The following DLGAP1 variants were observed in gnomAD, a reference collection of about 807,000 sequenced individuals.
DLGAP1 encodes disks large-associated protein 1.
Under a neutral mutation model 90.8 loss-of-function variants are expected in DLGAP1, and 11 were observed. The ratio of observed to expected loss-of-function variants is 0.12; its 90% CI spans 0.08 to 0.20. The LOEUF (loss-of-function observed/expected upper bound fraction) is 0.20. Among genes scored for constraint, DLGAP1 ranks in the 10% least tolerant of loss-of-function variants. DLGAP1 has a pLI of 1.00. For synonymous variants in DLGAP1, 558 were observed against 540.7 expected (o/e 1.03, Z -0.44); for missense variants, 1,050 against 1,333.8 (o/e 0.79, Z 3.31).
intron 2 of DLGAP1, among the ~76,000 whole-genome samples, chr18:4,028,684 C>T (rs1402947794): frequency 7.2e-5 from 11 of 152,294 alleles, no homozygotes; most frequent in African/African-American, 1.4e-4. Context: ...CATCCAGTCA[C>T]GCCTCACTGA....
intron 4 of DLGAP1, among the ~76,000 whole-genome samples, chr18:3,868,775 G>A (rs10468647): frequency 0.061 from 9,323 of 152,228 alleles, 849 homozygotes; most frequent in African/African-American, 0.2. Flanking sequence ...TTGAACTTCC[G>A]ATGGTTCTGT....
At chr18:4,360,535 CAT>C (rs1473891410) in intron 1 of DLGAP1, among the ~76,000 whole-genome samples, 2 of 152,084 alleles carry the variant, frequency 1.3e-5, no homozygotes, top group South Asian at 2.1e-4. Flanking sequence ...TAATGATAAA[CAT>C]AGATAAATAA....
chr18:3,706,409 C>T (rs539852570), intron 7 of DLGAP1, among the ~76,000 whole-genome samples: 1 of 152,260 alleles, frequency 6.6e-6, no homozygotes, highest in South Asian at 2.1e-4. Context: ...ATTGTGTCTC[C>T]ACACTCAGGA....
chr18:4,421,857 C>T (rs112168035), intron 1 of DLGAP1, among the ~76,000 whole-genome samples: 1,894 of 152,034 alleles, frequency 0.012, 46 homozygotes, highest in African/African-American at 0.044. Context: ...TATAGGCACC[C>T]GCCACCATCA....
At chr18:4,242,558 G>A (rs2078561504) in intron 1 of DLGAP1, among the ~76,000 whole-genome samples, 1 of 152,156 alleles carries the variant, frequency 6.6e-6, no homozygotes, top group East Asian at 1.9e-4. Context: ...GCAGAACAAA[G>A]GGACCTTGCA....
intron 1 of DLGAP1, among the ~76,000 whole-genome samples, chr18:4,345,644 A>T (rs2143910796): frequency 6.6e-6 from 1 of 152,320 alleles, no homozygotes; most frequent in South Asian, 2.1e-4. Context: ...CTTGCACTAA[A>T]TGTTAGCTCC....
At chr18:4,357,298 T>C (rs2081542190) in intron 1 of DLGAP1, among the ~76,000 whole-genome samples, 1 of 151,452 alleles carries the variant, frequency 6.6e-6, no homozygotes, top group South Asian at 2.1e-4. Flanking sequence ...GGATGATAGG[T>C]GTGTGCCACC....
chr18:4,285,534 C>T (rs2079666160), intron 1 of DLGAP1, among the ~76,000 whole-genome samples: 1 of 152,068 alleles, frequency 6.6e-6, no homozygotes, highest in Non-Finnish European at 1.5e-5. Flanking sequence ...AAAACTTCAG[C>T]CAAATTCAAT....
chr18:4,100,527 G>T (rs182251142), intron 2 of DLGAP1, among the ~76,000 whole-genome samples: 11 of 152,282 alleles, frequency 7.2e-5, no homozygotes, highest in African/African-American at 2.6e-4. Flanking sequence ...TAGTAAATGC[G>T]CATTGGCTTC....
rs1247228931 is a variant in DLGAP1 at position 3,654,351 on chromosome 18, G to T, written c.1592-72103C>A. The stretch of plus-strand genomic sequence containing the variant: ...GAGAAAACAAAACCCTGTCCTGGGG[G>T]TGTAGACCAGCCATGACACCCACTA... On this transcript the variant is annotated intron_variant, in intron 7 of 12. Coordinates refer to ENST00000315677, the MANE Select transcript of DLGAP1 (RefSeq NM_004746.4). Among the ~76,000 whole-genome samples the T allele has an allele frequency of 7.2e-5, 11 of 152,156 alleles. 1 individual carries two copies. The highest frequency in any genetic ancestry group is 7.2e-4 in the Admixed American group (11 of 15,270).
chr18:4,090,132 A>G (rs888941007), intron 2 of DLGAP1, among the ~76,000 whole-genome samples: 4 of 152,190 alleles, frequency 2.6e-5, no homozygotes, highest in African/African-American at 9.7e-5. Flanking sequence ...TAAATCCCAA[A>G]CTATAAAAAC....
chr18:3,667,545 T>C (rs1027547233), intron 7 of DLGAP1, among the ~76,000 whole-genome samples: 1 of 152,200 alleles, frequency 6.6e-6, no homozygotes, highest in African/African-American at 2.4e-5. Flanking sequence ...TTAAAAAACA[T>C]TCTGTGATGT....
Position 4,373,623 on chromosome 18 carries a change from C to T in DLGAP1, c.-267+81383G>A, listed in dbSNP as rs1214536577. ...TCACACAATCTGGTGATCCCTTCCTCTCATCTACATCTCTTCTTTTTCTTC... is the reference window on the plus strand; with the variant it reads ...TCACACAATCTGGTGATCCCTTCCTTTCATCTACATCTCTTCTTTTTCTTC... On this transcript the variant is annotated intron_variant, in intron 1 of 12. Coordinates refer to ENST00000315677, the MANE Select transcript of DLGAP1 (RefSeq NM_004746.4). 2.0e-5 allele frequency among the ~76,000 whole-genome samples: 3 copies of T among 152,192 alleles called. No homozygotes were observed. The East Asian group carries it at 5.8e-4, about 29-fold the overall frequency.
intron 1 of DLGAP1, among the ~76,000 whole-genome samples, chr18:4,287,777 C>T (rs2079736259): frequency 6.6e-6 from 1 of 151,938 alleles, no homozygotes. Flanking sequence ...ATGCAGCAAA[C>T]CACCATGGCA....
chr18:3,602,593 CAAAAA>C (rs71159102), intron 7 of DLGAP1, among the ~76,000 whole-genome samples: 1 of 66,700 alleles, frequency 1.5e-5, no homozygotes, highest in African/African-American at 6.2e-5. Flanking sequence ...AGACTCCGTC[CAAAAA>C]AAAAAAAAAA....
chr18:4,134,647 C>A (rs1161411799), intron 2 of DLGAP1, among the ~76,000 whole-genome samples: 1 of 152,006 alleles, frequency 6.6e-6, no homozygotes, highest in East Asian at 1.9e-4. Context: ...TCATGTGTAA[C>A]ATTTAGAGCT....
intron 1 of DLGAP1, among the ~76,000 whole-genome samples, chr18:4,395,216 A>G (rs2082414654): frequency 6.6e-6 from 1 of 152,226 alleles, no homozygotes; most frequent in East Asian, 1.9e-4. Flanking sequence ...ATTGACATAC[A>G]AAAGAAAAAG....
chr18:4,102,446 A>C (rs990592132), intron 2 of DLGAP1, among the ~76,000 whole-genome samples: 4 of 152,202 alleles, frequency 2.6e-5, no homozygotes, highest in Non-Finnish European at 5.9e-5. Flanking sequence ...TGAAATGCTG[A>C]GACAGAAATG....
intron 1 of DLGAP1, among the ~76,000 whole-genome samples, chr18:4,430,169 A>T (rs2083253236): frequency 6.6e-6 from 1 of 152,164 alleles, no homozygotes; most frequent in South Asian, 2.1e-4. Flanking sequence ...GTTGCTGATG[A>T]TGTTCTATCT....
Sources: gnomAD v4.1 joint callset for allele counts (sites outside exome capture counted in the v4.1 genomes callset) on GRCh38, gnomAD v4.1.1 for gene constraint, MANE v1.5 for transcripts, NCBI Gene and HGNC (gene_info 2026-07-23, HGNC 2026-07-21) for gene names.